The following SEPTIN14 variants were observed in gnomAD, a reference collection of about 807,000 sequenced individuals.
SEPTIN14 encodes the protein septin 14, also known as septin-14.
In SEPTIN14, 40 loss-of-function variants were observed where a neutral mutation model predicts 53.6. That is an observed-to-expected ratio of 0.75 (90% CI 0.58 to 0.97). The LOEUF is 0.97. Among genes scored for constraint, SEPTIN14 ranks in the 50% least tolerant of loss-of-function variants. SEPTIN14 has a pLI of 0.00. For synonymous variants in SEPTIN14, 138 were observed against 166.8 expected (o/e 0.83, Z 1.33); for missense variants, 471 against 508.2 (o/e 0.93, Z 0.70).
rs530825696 is a variant in SEPTIN14, at chr7:55,857,814, C to T, written c.54+4129G>A. Among the ~76,000 whole-genome samples, 25 of 151,144 alleles carry T rather than the reference C, an allele frequency of 1.7e-4. No individual in the cohort carries two copies. In the East Asian group the frequency reaches 4.7e-3, roughly 28 times the overall value. On this transcript the variant is annotated intron_variant, in intron 2 of 9. Transcript: ENST00000388975. ...GTGTTAGCCAGGATGGTCTCGATCT[C>T]CTGACCTCGTGATCCGCCCGCCTCG...
At chr7:55,799,655 C>T (rs886438649) in intron 9 of SEPTIN14, among the ~76,000 whole-genome samples, 3 of 151,400 alleles carry the variant, frequency 2.0e-5, no homozygotes, top group Non-Finnish European at 4.4e-5. Context: ...GACAATATCA[C>T]TATATAATAA....
At chr7:55,849,579 C>T (rs545731752) in intron 2 of SEPTIN14, among the ~76,000 whole-genome samples, 1 of 151,952 alleles carries the variant, frequency 6.6e-6, no homozygotes, top group African/African-American at 2.4e-5. Flanking sequence ...AACCCCGTCT[C>T]TACTAAAAAT....
At chr7:55,811,498 T>A in intron 7 of SEPTIN14, 2 of 85,304 alleles carry the variant, frequency 2.3e-5, no homozygotes, top group South Asian at 2.6e-4. Context: ...TTACAGTTCT[T>A]TTTTTTTTTT....
chr7:55,843,222 A>G, intron 4 of SEPTIN14, 94 bp from the exon 5 acceptor site: 1 of 636,074 alleles, frequency 1.6e-6, no homozygotes, highest in South Asian at 2.6e-5. Flanking sequence ...GTATGTAAGC[A>G]GTTTGCTATA....
Position 55,844,586 on chromosome 7 carries a change from A to G in SEPTIN14, c.308T>C (p.Val103Ala). The change falls in exon 4 of 10, where the codon GTT (valine) becomes GCT (alanine). Residue 103 changes from valine (V) to alanine (A), a missense_variant. By Grantham distance (64) the Val-to-Ala change is moderately conservative. Transcript: ENST00000388975. The part of the protein sequence containing the change: ...IQTYELQESN[V>A]QLKLTVVETV... ...CTCCACAACAGTCAATTTCAACTGA[A>G]CATTGCTTTCCTGAAGTTCATATGT... is the stretch of plus-strand genomic sequence containing the variant. 1.2e-6 allele frequency: 2 copies of G among 1,610,098 alleles called. No homozygotes were observed. The highest frequency in any genetic ancestry group is 8.5e-7 in the Non-Finnish European group (1 of 1,177,232).
At chr7:55,811,045 C>A (rs2115973960) in intron 7 of SEPTIN14, 2 of 458,484 alleles carry the variant, frequency 4.4e-6, no homozygotes, top group Middle Eastern at 3.6e-4. Context: ...TCTTCTTCCT[C>A]TTCCACTATC....
chr7:55,812,539 T>G (rs1788720734), intron 7 of SEPTIN14, among the ~76,000 whole-genome samples: 1 of 152,064 alleles, frequency 6.6e-6, no homozygotes, highest in Non-Finnish European at 1.5e-5. Flanking sequence ...GTGACTACAG[T>G]TAATAATAAG....
Position 55,838,976 on chromosome 7 carries a change from G to A in SEPTIN14, c.558+3966C>T, listed in dbSNP as rs1789258377. On this transcript the variant is annotated intron_variant, in intron 5 of 9. Transcript: ENST00000388975. ...TCTAAATACTGTGATGAAATGTCAT[G>A]TTGACCCACTCCTTCTCACCCTGGA... is the stretch of plus-strand genomic sequence containing the variant. 2.6e-5 allele frequency among the ~76,000 whole-genome samples: 4 copies of A among 152,172 alleles called. No individual in the cohort carries two copies. In the South Asian group the frequency reaches 8.3e-4, roughly 31 times the overall value.
chr7:55,861,898 A>G, intron 2 of SEPTIN14, 45 bp downstream of exon 2: 1 of 1,202,516 alleles, frequency 8.3e-7, no homozygotes, highest in Non-Finnish European at 1.2e-6. Context: ...ATATAATCTT[A>G]TTGAAGTACA....
chr7:55,855,494 C>T (rs1181349344), intron 2 of SEPTIN14, among the ~76,000 whole-genome samples: 2 of 152,136 alleles, frequency 1.3e-5, no homozygotes, highest in Admixed American at 6.6e-5. Context: ...TAGAACATGC[C>T]TTGCCTGACA....
At chr7:55,804,393 G>A (rs1788580543) in intron 9 of SEPTIN14, among the ~76,000 whole-genome samples, 1 of 151,438 alleles carries the variant, frequency 6.6e-6, no homozygotes, top group Non-Finnish European at 1.5e-5. Flanking sequence ...CGAGTAGCTG[G>A]AATTATAGGC....
chr7:55,806,394 C>T (rs1788610098), intron 8 of SEPTIN14, among the ~76,000 whole-genome samples: 1 of 152,158 alleles, frequency 6.6e-6, no homozygotes. Context: ...GTTCCTCCAT[C>T]AAACTCTTCT....
At chr7:55,855,427 T>C (rs1422477097) in intron 2 of SEPTIN14, among the ~76,000 whole-genome samples, 3 of 152,198 alleles carry the variant, frequency 2.0e-5, no homozygotes, top group Non-Finnish European at 4.4e-5. Flanking sequence ...TCAACTTTTC[T>C]AGGCAAGAAA....
At chr7:55,847,609 TCAAA>T (rs1789436591) in intron 2 of SEPTIN14, among the ~76,000 whole-genome samples, 1 of 152,172 alleles carries the variant, frequency 6.6e-6, no homozygotes, top group Non-Finnish European at 1.5e-5. Context: ...ATGTAATTTA[TCAAA>T]CAAAGTGAAA....
intron 5 of SEPTIN14, among the ~76,000 whole-genome samples, chr7:55,839,675 C>T (rs1789273960): frequency 2.6e-5 from 4 of 152,098 alleles, no homozygotes; most frequent in Admixed American, 2.0e-4. Flanking sequence ...AACTTACTCC[C>T]AAGGGTGCTA....
rs539067448 is a variant in SEPTIN14 at position 55,835,448 on chromosome 7, C to A, written c.559-862G>T. ...CGATCTCCTGACCTCGTGATCCGCT[C>A]GCCTCAGCCTCCCAAAGTGCTGGGA... On this transcript the variant is annotated intron_variant, in intron 5 of 9. Transcript: ENST00000388975. Among the ~76,000 whole-genome samples the A allele has an allele frequency of 6.6e-5, 10 of 151,650 alleles. No individual in the cohort carries two copies. The South Asian group carries it at 1.7e-3, about 25-fold the overall frequency.
intron 7 of SEPTIN14, among the ~76,000 whole-genome samples, chr7:55,813,639 G>A (rs1788743172): frequency 6.6e-6 from 1 of 151,240 alleles, no homozygotes. Flanking sequence ...ACACACAAGA[G>A]AGTCCTTCCA....
chr7:55,824,396 C>A (rs1191862733), intron 6 of SEPTIN14, among the ~76,000 whole-genome samples: 1 of 152,136 alleles, frequency 6.6e-6, no homozygotes, highest in Non-Finnish European at 1.5e-5. Flanking sequence ...TGATCAACAT[C>A]ATACATCCTC....
intron 7 of SEPTIN14, 42 bp downstream of exon 7, chr7:55,819,085 T>C: frequency 9.2e-7 from 1 of 1,092,002 alleles, no homozygotes; most frequent in Non-Finnish European, 1.4e-6. Context: ...TACACATATA[T>C]TTAACTTAAT....
Sources: allele counts gnomAD v4.1 joint callset (sites outside exome capture counted in the v4.1 genomes callset), GRCh38; gene constraint gnomAD v4.1.1; transcripts MANE v1.5; gene names NCBI Gene and HGNC (gene_info 2026-07-23, HGNC 2026-07-21).